The following PRRX1 variants were observed in gnomAD, a reference collection of about 807,000 sequenced individuals.
PRRX1 encodes paired related homeobox 1, also known as paired mesoderm homeobox protein 1.
A neutral mutation model predicts 24.0 loss-of-function variants in PRRX1; 8 were observed. That is an observed-to-expected ratio of 0.33 (90% CI 0.20 to 0.60). PRRX1 has a LOEUF of 0.60. PRRX1 is among the 20% of genes least tolerant of loss of function. The pLI is 0.82. For missense variants in PRRX1, 281 were observed against 322.4 expected, an observed-to-expected ratio of 0.87 and a Z score of 0.98; for synonymous variants, 160 against 131.7, an observed-to-expected ratio of 1.22 and a Z score of -1.47.
chr1:170,664,879 CG>C (rs1356019098), intron 1 of PRRX1, among the ~76,000 whole-genome samples: 1 of 152,200 alleles, frequency 6.6e-6, no homozygotes, highest in Non-Finnish European at 1.5e-5. Context: ...GATGCTGAGT[CG>C]GGTTGGAAGG....
intron 1 of PRRX1, among the ~76,000 whole-genome samples, chr1:170,674,677 C>T (rs1254343192): frequency 2.0e-5 from 3 of 150,258 alleles, no homozygotes; most frequent in East Asian, 1.9e-4. Context: ...TTTTTTTGTA[C>T]GGAGTACTTC....
chr1:170,716,786 A>G (rs1286636275), intron 1 of PRRX1, among the ~76,000 whole-genome samples: 1 of 152,188 alleles, frequency 6.6e-6, no homozygotes, highest in African/African-American at 2.4e-5. Context: ...TAGTAAAAAT[A>G]CACTGCTTTC....
chr1:170,719,687 G>A (rs1415277976), intron 1 of PRRX1, 39 bp from the exon 2 acceptor site: 1 of 1,606,170 alleles, frequency 6.2e-7, no homozygotes, highest in African/African-American at 1.3e-5. Flanking sequence ...GACTCCTACA[G>A]TGAATTTGGC....
chr1:170,715,214 C>T (rs1384386452), intron 1 of PRRX1, among the ~76,000 whole-genome samples: 3 of 151,990 alleles, frequency 2.0e-5, no homozygotes, highest in African/African-American at 7.2e-5. Flanking sequence ...TAATTACTTG[C>T]TATGTATTGT....
chr1:170,698,725 T>C (rs151230981), intron 1 of PRRX1, among the ~76,000 whole-genome samples: 13 of 152,282 alleles, frequency 8.5e-5, no homozygotes, highest in Non-Finnish European at 1.8e-4. Flanking sequence ...CAATGATTCT[T>C]AAGAAATGAC....
At chr1:170,722,540 C>T (rs1485708058) in intron 2 of PRRX1, 5 of 152,066 alleles carry the variant, frequency 3.3e-5, no homozygotes, top group African/African-American at 1.2e-4. Flanking sequence ...AATATGATTC[C>T]TACATCAGTG....
At chr1:170,690,623 CA>C (rs1653911398) in intron 1 of PRRX1, among the ~76,000 whole-genome samples, 1 of 151,984 alleles carries the variant, frequency 6.6e-6, no homozygotes, top group South Asian at 2.1e-4. Context: ...TGGTAAAATT[CA>C]ACTTCCCTGC....
At chr1:170,716,886 G>T (rs1181015247) in intron 1 of PRRX1, among the ~76,000 whole-genome samples, 1 of 152,172 alleles carries the variant, frequency 6.6e-6, no homozygotes, top group African/African-American at 2.4e-5. Flanking sequence ...CCTCTACAGT[G>T]TTTATGTTTC....
chr1:170,665,968 G>A (rs904506741), intron 1 of PRRX1, among the ~76,000 whole-genome samples: 14 of 152,390 alleles, frequency 9.2e-5, no homozygotes, highest in Admixed American at 8.5e-4. Flanking sequence ...AGGGCTAGGC[G>A]CAGAGACAGA....
chr1:170,682,104 A>G (rs1653566344), intron 1 of PRRX1, among the ~76,000 whole-genome samples: 1 of 152,190 alleles, frequency 6.6e-6, no homozygotes, highest in Admixed American at 6.5e-5. Flanking sequence ...AGCAGCTAGT[A>G]TGTTGCATCC....
chr1:170,730,227 T>A, intron 3 of PRRX1: 1 of 1,466,164 alleles, frequency 6.8e-7, no homozygotes, highest in Non-Finnish European at 9.6e-7. Flanking sequence ...CTGCCTGACA[T>A]CTGCTGAACG....
At position 170,710,364 on chromosome 1, in the gene PRRX1, C is replaced by A. The variant is rs180927089; in HGVS notation, c.242-9362C>A. Among the ~76,000 whole-genome samples, 424 of 152,288 alleles carry A rather than the reference C, an allele frequency of 2.8e-3. 2 individuals are homozygous for A. Among genetic ancestry groups the A allele is most frequent in the African/African-American group, 9.7e-3 (402 of 41,556 alleles). On this transcript the variant is annotated intron_variant, in intron 1 of 3. Transcript: ENST00000239461. ...GATCTTAGTCCCATAGCCCAACTTA[C>A]AATTATGCCAGTTAGGACACTTGAG...
chr1:170,676,888 T>G (rs111886775), intron 1 of PRRX1, among the ~76,000 whole-genome samples: 1 of 152,196 alleles, frequency 6.6e-6, no homozygotes, highest in African/African-American at 2.4e-5. Context: ...GTTCATGTTC[T>G]TCATTATAAA....
At chr1:170,685,066 C>T (rs1005823912) in intron 1 of PRRX1, among the ~76,000 whole-genome samples, 3 of 152,116 alleles carry the variant, frequency 2.0e-5, no homozygotes, top group African/African-American at 4.8e-5. Context: ...TAGAACCTAC[C>T]AGTTTTTTAA....
intron 1 of PRRX1, among the ~76,000 whole-genome samples, chr1:170,691,121 A>G (rs1208394174): frequency 1.3e-5 from 2 of 152,138 alleles, no homozygotes; most frequent in Non-Finnish European, 2.9e-5. Flanking sequence ...AGTGAGGGCC[A>G]TATTTTATTC....
chr1:170,703,366 C>A lies in PRRX1; in HGVS notation c.242-16360C>A, dbSNP rs114527217. Among the ~76,000 whole-genome samples the A allele has an allele frequency of 3.1e-3, 464 of 152,090 alleles. 2 individuals carry two copies. Among genetic ancestry groups the A allele is most frequent in the African/African-American group, 0.01 (415 of 41,470 alleles). The stretch of plus-strand genomic sequence containing the variant: ...GCCTTGGTCTCCTCATCTGCAAGAC[C>A]TCCTAGTGTAGTGAAATACAAAATG... On this transcript the variant is annotated intron_variant, in intron 1 of 3. Coordinates refer to ENST00000239461, the MANE Select transcript of PRRX1 (RefSeq NM_022716.4).
Position 170,737,735 on chromosome 1 carries a change from G to A in PRRX1, c.*1549G>A, listed in dbSNP as rs1040986228. 2 of 221,528 alleles carry A rather than the reference G, an allele frequency of 9.0e-6. No homozygotes were observed. The highest frequency in any genetic ancestry group is 5.7e-5 in the Admixed American group (1 of 17,394). 13.7% of individuals were successfully genotyped at this position (221,528 alleles called of 1,614,324 possible). The stretch of plus-strand genomic sequence containing the variant: ...CAGCCATGCTTTTGTAACTTGCCAG[G>A]TGGACTTGACCAACTACATTACCAT... On this transcript the variant is annotated 3_prime_UTR_variant, in exon 4 of 4. Transcript: ENST00000239461.
rs1467196801 is a variant in PRRX1 at position 170,664,472 on chromosome 1, C to T, written c.241+13C>T. ...CCGCAGCAGGACAGTGAGTGAGGGGCGCATGCCCACGGGGGTGTGTGCCCG... is the reference window on the plus strand; with the variant it reads ...CCGCAGCAGGACAGTGAGTGAGGGGTGCATGCCCACGGGGGTGTGTGCCCG... On this transcript the variant is annotated intron_variant, in intron 1 of 3. Transcript: ENST00000239461. The T allele has an allele frequency of 2.5e-6, 4 of 1,589,572 alleles. No individual in the cohort carries two copies. The highest frequency in any genetic ancestry group is 3.4e-6 in the Non-Finnish European group (4 of 1,169,080).
chr1:170,730,300 G>T, intron 3 of PRRX1: 1 of 1,612,230 alleles, frequency 6.2e-7, no homozygotes, highest in Non-Finnish European at 8.5e-7. Context: ...CCAAGATGTT[G>T]TTTACACGAG....
Sources: allele counts gnomAD v4.1 joint callset (sites outside exome capture counted in the v4.1 genomes callset), GRCh38; gene constraint gnomAD v4.1.1; transcripts MANE v1.5; gene names NCBI Gene and HGNC (gene_info 2026-07-23, HGNC 2026-07-21).